ERC1: variants seen among roughly 807,000 people sequenced by gnomAD.
The protein encoded by ERC1 is ELKS/RAB6-interacting/CAST family member 1, also known as RAB6 interacting protein 2.
Under a neutral mutation model 132.0 loss-of-function variants are expected in ERC1, and 56 were observed. The ratio of observed to expected loss-of-function variants is 0.42; its 90% CI spans 0.34 to 0.53. The LOEUF (loss-of-function observed/expected upper bound fraction) is 0.53. Ranked by LOEUF, ERC1 falls within the 20% of genes least tolerant of loss-of-function variation. The pLI is 0.03. For missense variants in ERC1, 1,202 were observed against 1,349.9 expected (o/e 0.89, Z 1.72); for synonymous variants, 478 against 476.1 (o/e 1.00, Z -0.05).
intron 15 of ERC1, among the ~76,000 whole-genome samples, chr12:1,321,951 T>A (rs1427450768): frequency 6.6e-6 from 1 of 152,180 alleles, no homozygotes; most frequent in Non-Finnish European, 1.5e-5. Flanking sequence ...TACTTCATTT[T>A]AAAAATAAGG....
At chr12:1,094,987 C>G (rs1303065109) in intron 3 of ERC1, among the ~76,000 whole-genome samples, 1 of 151,932 alleles carries the variant, frequency 6.6e-6, no homozygotes, top group African/African-American at 2.4e-5. Context: ...ATCCTTGAAC[C>G]AAGGGTGCTG....
intron 8 of ERC1, among the ~76,000 whole-genome samples, chr12:1,174,623 A>C (rs1953482720): frequency 6.6e-6 from 1 of 152,240 alleles, no homozygotes; most frequent in South Asian, 2.1e-4. Context: ...CTAGATGCAG[A>C]TGATGGAGTA....
At chr12:1,105,606 C>G (rs1342616509) in intron 4 of ERC1, among the ~76,000 whole-genome samples, 1 of 152,162 alleles carries the variant, frequency 6.6e-6, no homozygotes, top group Non-Finnish European at 1.5e-5. Flanking sequence ...ATCCGCCCGC[C>G]TCGGCCTCCC....
chr12:1,403,997 C>T (rs1038503518), intron 16 of ERC1, among the ~76,000 whole-genome samples: 2 of 152,160 alleles, frequency 1.3e-5, no homozygotes, highest in African/African-American at 4.8e-5. Flanking sequence ...AAGACTTTGT[C>T]ATGAAATACC....
Position 1,292,413 on chromosome 12 carries a change from A to C in ERC1, c.2780+2401A>C, listed in dbSNP as rs144827389. Among the ~76,000 whole-genome samples, 786 of 152,296 alleles carry C rather than the reference A, an allele frequency of 5.2e-3. 1 individual carries two copies. The highest frequency in any genetic ancestry group is 0.011 in the Admixed American group (162 of 15,304). ...TCATTGGGAGCTTAAAAAATAAATA[A>C]ATATGATTTAAAAGATGATGTCAAC... On this transcript the variant is annotated intron_variant, in intron 15 of 18. Transcript: ENST00000360905.
intron 12 of ERC1, among the ~76,000 whole-genome samples, chr12:1,205,318 CAT>C (rs1957253333): frequency 6.6e-6 from 1 of 151,330 alleles, no homozygotes; most frequent in Non-Finnish European, 1.5e-5. Context: ...CTGTTAATAT[CAT>C]ATGTGTTTTA....
chr12:1,304,771 T>C (rs2080711439), intron 15 of ERC1, among the ~76,000 whole-genome samples: 1 of 148,654 alleles, frequency 6.7e-6, no homozygotes, highest in African/African-American at 2.5e-5. Context: ...CTTCTGTTTG[T>C]TGTAACTCTT....
At chr12:1,357,286 A>G (rs959716261) in intron 15 of ERC1, among the ~76,000 whole-genome samples, 2 of 152,196 alleles carry the variant, frequency 1.3e-5, no homozygotes, top group Non-Finnish European at 2.9e-5. Context: ...AAACGTCATG[A>G]CAAACAGACG....
chr12:1,400,916 A>ATTTTTTTTTTTTTTTTTTTTTTTT lies in ERC1; in HGVS notation c.2926-7219_2926-7196dup, dbSNP rs869202443. On this transcript the variant is annotated intron_variant, in intron 16 of 18. Transcript: ENST00000360905. Reference sequence around the variant, plus strand: ...TCAATATTGTTTTGGCTATTTTTGTATTTTTTTTTTTTTTTTTTTTTTTTT... The same window carrying ATTTTTTTTTTTTTTTTTTTTTTTT: ...TCAATATTGTTTTGGCTATTTTTGTATTTTTTTTTTTTTTTTTTTTTTTTTTTTTTTTTTTTTTTTTTTTTTTTT... Among the ~76,000 whole-genome samples, 2 of 15,040 alleles carry ATTTTTTTTTTTTTTTTTTTTTTTT rather than the reference A, an allele frequency of 1.3e-4. 1 individual carries two copies. The highest frequency in any genetic ancestry group is 6.8e-3 in the East Asian group (2 of 294). 9.9% of individuals were successfully genotyped at this position (15,040 alleles called of 152,430 possible). A position where few individuals can be genotyped will look rare whatever the true frequency, so the allele number is the denominator to read the frequency against.
At chr12:992,701 ATCT>A (rs926254802) in intron 1 of ERC1, among the ~76,000 whole-genome samples, 6 of 152,210 alleles carry the variant, frequency 3.9e-5, no homozygotes, top group Non-Finnish European at 5.9e-5. Flanking sequence ...GTAAATCAGA[ATCT>A]TCTTTTCTGG....
At chr12:1,129,421 G>A (rs777632674) in intron 7 of ERC1, among the ~76,000 whole-genome samples, 5 of 152,162 alleles carry the variant, frequency 3.3e-5, no homozygotes, top group African/African-American at 7.2e-5. Context: ...CTCAGAAGTC[G>A]AAGGCGAGAG....
At chr12:991,129 C>G (rs933591902), upstream of ERC1, 1 of 151,710 alleles carries the variant, frequency 6.6e-6, no homozygotes, top group Admixed American at 6.6e-5. Context: ...AGGGAGGCAG[C>G]CGAGCCGGGA....
intron 18 of ERC1, among the ~76,000 whole-genome samples, chr12:1,487,752 G>A (rs1466985129): frequency 1.1e-5 from 1 of 93,246 alleles, no homozygotes; most frequent in Non-Finnish European, 2.7e-5. Context: ...GAGAAGGGTA[G>A]GAGGCAAGGA....
chr12:1,343,639 G>A (rs2084133430), intron 15 of ERC1, among the ~76,000 whole-genome samples: 1 of 151,844 alleles, frequency 6.6e-6, no homozygotes, highest in Non-Finnish European at 1.5e-5. Context: ...CTATCCTTTC[G>A]GAACATCTGT....
intron 8 of ERC1, 132 bp from the exon 9 acceptor site, chr12:1,180,408 A>T: frequency 2.6e-6 from 2 of 755,904 alleles, no homozygotes; most frequent in Non-Finnish European, 4.1e-6. Flanking sequence ...TCTTAGGATT[A>T]AATGATTTCT....
intron 12 of ERC1, among the ~76,000 whole-genome samples, chr12:1,201,171 A>G (rs985130994): frequency 6.6e-6 from 1 of 151,802 alleles, no homozygotes; most frequent in African/African-American, 2.4e-5. Flanking sequence ...CCTTTTTGTC[A>G]CAATGAAATG....
intron 3 of ERC1, among the ~76,000 whole-genome samples, chr12:1,098,387 A>G (rs191216914): frequency 1.3e-5 from 2 of 152,378 alleles, no homozygotes; most frequent in East Asian, 3.9e-4. Context: ...TCTCTTGAAA[A>G]TAGACAAAGG....
intron 13 of ERC1, among the ~76,000 whole-genome samples, chr12:1,238,847 A>C (rs1044784111): frequency 4.6e-5 from 7 of 152,128 alleles, no homozygotes; most frequent in Admixed American, 2.6e-4. Flanking sequence ...CTAAAAGATA[A>C]ATAAGATAGA....
At chr12:1,059,502 A>G (rs565778399) in intron 2 of ERC1, among the ~76,000 whole-genome samples, 28 of 152,266 alleles carry the variant, frequency 1.8e-4, no homozygotes, top group African/African-American at 5.3e-4. Flanking sequence ...ATGTTGAGGT[A>G]TGTTCCTTTA....
Sources: allele counts gnomAD v4.1 joint callset (sites outside exome capture counted in the v4.1 genomes callset), GRCh38; gene constraint gnomAD v4.1.1; transcripts MANE v1.5; gene names NCBI Gene and HGNC (gene_info 2026-07-23, HGNC 2026-07-21).